The following NRXN3 variants were observed in gnomAD, a reference collection of about 807,000 sequenced individuals.
NRXN3 encodes the protein neurexin III.
A neutral mutation model predicts 137.6 loss-of-function variants in NRXN3; 32 were observed. The observed-to-expected ratio is 0.23, with a 90% CI of 0.18 to 0.31. The LOEUF (loss-of-function observed/expected upper bound fraction) is 0.31, where lower values mean the gene tolerates loss of function less well. Ranked by LOEUF, NRXN3 falls within the 10% of genes least tolerant of loss-of-function variation. The pLI is 1.00. For missense variants in NRXN3, 1,574 were observed against 2,062.5 expected (o/e 0.76, Z 4.59); for synonymous variants, 798 against 784.5 (o/e 1.02, Z -0.29).
At chr14:79,274,140 G>A (rs372547977) in intron 15 of NRXN3, among the ~76,000 whole-genome samples, 8 of 149,774 alleles carry the variant, frequency 5.3e-5, no homozygotes, top group African/African-American at 4.9e-5. Flanking sequence ...TCTTGGCCAC[G>A]TTTTCACAGC....
chr14:78,792,096 A>G (rs1030567226), intron 8 of NRXN3, among the ~76,000 whole-genome samples: 1 of 151,998 alleles, frequency 6.6e-6, no homozygotes, highest in African/African-American at 2.4e-5. Flanking sequence ...AATTCGATCT[A>G]GAGAAAAAGC....
At position 78,879,966 on chromosome 14, in the gene NRXN3, G is replaced by A. The variant is rs565777222; in HGVS notation, c.2275+69622G>A. On this transcript the variant is annotated intron_variant, in intron 10 of 20. Transcript: ENST00000335750. ...TAATAATATAAGAATTGGGCCGGGC[G>A]CGGTGGCTCACGCCTGTAATCCCAG... 1.5e-3 allele frequency among the ~76,000 whole-genome samples: 208 copies of A among 141,614 alleles called. 5 individuals are homozygous for A. Among genetic ancestry groups the A allele is most frequent in the Non-Finnish European group, 1.6e-3 (107 of 67,944 alleles). The allele number at this position is 141,614 out of a possible 152,430, so 92.9% of individuals were successfully genotyped here. A position where few individuals can be genotyped will look rare whatever the true frequency, so the allele number is the denominator to read the frequency against.
At chr14:78,330,106 C>G (rs2080613167) in intron 4 of NRXN3, among the ~76,000 whole-genome samples, 1 of 152,100 alleles carries the variant, frequency 6.6e-6, no homozygotes, top group African/African-American at 2.4e-5. Flanking sequence ...TTCTGTACTC[C>G]TAGTGACACA....
intron 15 of NRXN3, among the ~76,000 whole-genome samples, chr14:79,192,887 C>G: frequency 6.6e-6 from 1 of 151,572 alleles, no homozygotes; most frequent in Non-Finnish European, 1.5e-5. Flanking sequence ...TCTCCTGCCC[C>G]AGCCTCCTGA....
chr14:79,406,532 G>A (rs1251661886), intron 15 of NRXN3, among the ~76,000 whole-genome samples: 1 of 151,904 alleles, frequency 6.6e-6, no homozygotes, highest in East Asian at 1.9e-4. Flanking sequence ...AGATCTCCTA[G>A]GCTCAAGCAA....
chr14:78,702,944 C>A (rs574441019), intron 6 of NRXN3, among the ~76,000 whole-genome samples: 1 of 152,182 alleles, frequency 6.6e-6, no homozygotes, highest in Admixed American at 6.5e-5. Context: ...ATATTATCTA[C>A]ATTCTACAGT....
At position 78,400,943 on chromosome 14, in the gene NRXN3, T is replaced by G. The variant is rs142926106; in HGVS notation, c.757+103083T>G. Among the ~76,000 whole-genome samples, 118 of 152,280 alleles carry G rather than the reference T, an allele frequency of 7.7e-4. 2 individuals carry two copies. The East Asian group carries it at 0.019, about 24-fold the overall frequency. ...TGGGGAATTTATAAACAAGGGAAAT[T>G]TATTTCTCACAGTTCTGGAGGCTGA... is the stretch of plus-strand genomic sequence containing the variant. On this transcript the variant is annotated intron_variant, in intron 4 of 20. Coordinates refer to ENST00000335750, the MANE Select transcript of NRXN3 (RefSeq NM_001330195.2).
chr14:79,319,693 T>G lies in NRXN3; in HGVS notation c.3263-147528T>G, dbSNP rs981963937. ...ACAGATTTTTATCTTTTTTGAGTAATTATTATCCACGTTATAATTTCATGC... is the reference window on the plus strand; with the variant it reads ...ACAGATTTTTATCTTTTTTGAGTAAGTATTATCCACGTTATAATTTCATGC... On this transcript the variant is annotated intron_variant, in intron 15 of 20. Transcript: ENST00000335750. Among the ~76,000 whole-genome samples, 149 of 152,288 alleles carry G rather than the reference T, an allele frequency of 9.8e-4. 1 individual carries two copies. The highest frequency in any genetic ancestry group is 3.4e-3 in the African/African-American group (143 of 41,570).
At chr14:78,846,916 T>A (rs2099028808) in intron 10 of NRXN3, among the ~76,000 whole-genome samples, 1 of 152,118 alleles carries the variant, frequency 6.6e-6, no homozygotes, top group African/African-American at 2.4e-5. Flanking sequence ...CATTTTGGTC[T>A]CCAGCTCATA....
chr14:78,515,470 T>C (rs2096189698), intron 4 of NRXN3, among the ~76,000 whole-genome samples: 1 of 152,134 alleles, frequency 6.6e-6, no homozygotes, highest in South Asian at 2.1e-4. Context: ...GGAAAAACTT[T>C]CCCAGATACT....
intron 8 of NRXN3, among the ~76,000 whole-genome samples, chr14:78,767,723 G>A (rs1002771496): frequency 2.0e-5 from 3 of 152,104 alleles, no homozygotes; most frequent in Non-Finnish European, 2.9e-5. Context: ...ACTTAGTCTC[G>A]GAATGCTTTA....
chr14:78,491,337 C>A (rs1200620559), intron 4 of NRXN3, among the ~76,000 whole-genome samples: 1 of 152,172 alleles, frequency 6.6e-6, no homozygotes, highest in Non-Finnish European at 1.5e-5. Flanking sequence ...CTGCCACTAC[C>A]ATGTGGCCAA....
At chr14:79,052,846 TGG>T (rs1357717443) in intron 15 of NRXN3, among the ~76,000 whole-genome samples, 5 of 152,212 alleles carry the variant, frequency 3.3e-5, no homozygotes, top group African/African-American at 1.2e-4. Context: ...TTTTTTGCAA[TGG>T]CTCTCATACC....
chr14:79,705,025 A>G (rs1166200647), intron 19 of NRXN3, among the ~76,000 whole-genome samples: 1 of 152,134 alleles, frequency 6.6e-6, no homozygotes, highest in East Asian at 1.9e-4. Context: ...CTAGTCGATG[A>G]AAGGGTCCTG....
At chr14:78,314,899 CTTTCTTTCTTTCTTTCTTTCTT>C (rs1567234579) in intron 4 of NRXN3, among the ~76,000 whole-genome samples, 136 of 97,446 alleles carry the variant, frequency 1.4e-3, no homozygotes, top group African/African-American at 5.0e-3. Flanking sequence ...CTTTCTCTTT[CTTTCTTTCTTTCTTTCTTTCTT>C]TCTTTCTTTC....
At chr14:79,042,317 G>A (rs1023057757) in intron 15 of NRXN3, among the ~76,000 whole-genome samples, 3 of 152,230 alleles carry the variant, frequency 2.0e-5, no homozygotes, top group East Asian at 1.9e-4. Context: ...AAGCAAGCTT[G>A]AGCCAGGTTC....
At chr14:79,677,091 G>T (rs868595960) in intron 17 of NRXN3, among the ~76,000 whole-genome samples, 2 of 152,018 alleles carry the variant, frequency 1.3e-5, no homozygotes, top group African/African-American at 4.8e-5. Context: ...TATAACAAAA[G>T]AAAAATATCA....
At chr14:78,569,520 C>T (rs1600632210) in intron 4 of NRXN3, among the ~76,000 whole-genome samples, 2 of 152,016 alleles carry the variant, frequency 1.3e-5, no homozygotes, top group South Asian at 4.2e-4. Context: ...CCATCTCGGC[C>T]TCCCAAAGTG....
chr14:78,751,661 GC>G (rs1309228823), intron 8 of NRXN3, among the ~76,000 whole-genome samples: 8 of 152,158 alleles, frequency 5.3e-5, no homozygotes, highest in Non-Finnish European at 1.0e-4. Flanking sequence ...CACTCTTCCA[GC>G]ACTGCTGACT....
Sources: gnomAD v4.1 joint callset for allele counts (sites outside exome capture counted in the v4.1 genomes callset) on GRCh38, gnomAD v4.1.1 for gene constraint, MANE v1.5 for transcripts, NCBI Gene and HGNC (gene_info 2026-07-23, HGNC 2026-07-21) for gene names.